LOXL4: variants seen among roughly 807,000 people sequenced by gnomAD.
LOXL4 encodes lysyl oxidase like 4.
LOXL4 carries 72 observed loss-of-function variants against 89.1 expected under a neutral mutation model. That is an observed-to-expected ratio of 0.81 (90% CI 0.67 to 0.98). LOXL4 has a LOEUF of 0.98. LOXL4 is among the 50% of genes least tolerant of loss of function. The pLI is 0.00. For synonymous variants in LOXL4, 355 were observed against 392.1 expected, an observed-to-expected ratio of 0.91 and a Z score of 1.12; for missense variants, 984 against 1,017.5, an observed-to-expected ratio of 0.97 and a Z score of 0.45.
At chr10:98,249,208 T>C (rs1178791704) in intron 14 of LOXL4, among the ~76,000 whole-genome samples, 1 of 152,214 alleles carries the variant, frequency 6.6e-6, no homozygotes, top group African/African-American at 2.4e-5. Context: ...TTGTGCTAGT[T>C]ATTCTCCTTT....
In LOXL4 at chr10:98,258,306, T is replaced by G. The variant is rs1858441497; in HGVS notation, c.922-142A>C. Reference sequence around the variant, plus strand: ...AAGGATGGGGAGTTCCAGTCCTGCTTCTGACTTCCCATAGCTGTCACCCTG... The same window carrying G: ...AAGGATGGGGAGTTCCAGTCCTGCTGCTGACTTCCCATAGCTGTCACCCTG... On this transcript the variant is annotated intron_variant, in intron 6 of 14. Transcript: ENST00000260702. 4 of 787,130 alleles carry G rather than the reference T, an allele frequency of 5.1e-6. No homozygotes were observed. In the South Asian group the frequency reaches 5.7e-5, roughly 11 times the overall value. The allele number at this position is 787,130 out of a possible 1,614,324, so 48.8% of individuals were successfully genotyped here.
intron 9 of LOXL4, chr10:98,256,032 C>A: frequency 3.2e-6 from 1 of 315,028 alleles, no homozygotes; most frequent in Non-Finnish European, 5.9e-6. Context: ...CTGTTCCCCG[C>A]CCCTCTCCCT....
At position 98,257,808 on chromosome 10, in the gene LOXL4, G is replaced by T. The variant is rs1460286278; in HGVS notation, c.1106-4C>A. Reference sequence around the variant, plus strand: ...CTCAGGTGGATGGGCCCTAGCCCTAGATGGGGAGAGAGGTGCTGTGTGCGA... The same window carrying T: ...CTCAGGTGGATGGGCCCTAGCCCTATATGGGGAGAGAGGTGCTGTGTGCGA... On this transcript the variant is annotated splice_polypyrimidine_tract_variant and splice_region_variant and intron_variant, in intron 7 of 14. Coordinates refer to ENST00000260702, the MANE Select transcript of LOXL4 (RefSeq NM_032211.7). 1 of 1,610,338 alleles carries T rather than the reference G, an allele frequency of 6.2e-7. No individual in the cohort carries two copies. Among genetic ancestry groups the T allele is most frequent in the Non-Finnish European group, 8.5e-7 (1 of 1,177,774 alleles).
At chr10:98,263,824 C>A (rs1858611183) in intron 1 of LOXL4, among the ~76,000 whole-genome samples, 2 of 151,712 alleles carry the variant, frequency 1.3e-5, no homozygotes, top group South Asian at 4.2e-4. Context: ...CTCCGCCTCC[C>A]AGGTTTAAGC....
intron 12 of LOXL4, 125 bp from the exon 13 acceptor site, chr10:98,251,827 C>T: frequency 8.4e-7 from 1 of 1,197,198 alleles, no homozygotes; most frequent in Non-Finnish European, 1.2e-6. Context: ...GAGCTAGAAT[C>T]CTGCTGTGAA....
chr10:98,259,858 T>C (rs907464379), intron 4 of LOXL4, among the ~76,000 whole-genome samples: 7 of 152,110 alleles, frequency 4.6e-5, no homozygotes, highest in African/African-American at 1.7e-4. Flanking sequence ...GACCCAGGTG[T>C]GCAATTACCA....
chr10:98,261,261 G>T, intron 3 of LOXL4, 134 bp from the exon 4 acceptor site: 1 of 889,572 alleles, frequency 1.1e-6, no homozygotes, highest in Non-Finnish European at 1.7e-6. Context: ...CATTGAACAG[G>T]CCAGGAAACT....
chr10:98,258,719 G>A (rs1157788614), intron 6 of LOXL4, among the ~76,000 whole-genome samples: 3 of 151,842 alleles, frequency 2.0e-5, no homozygotes, highest in Non-Finnish European at 4.4e-5. Context: ...AGGCTCAGGA[G>A]CAGGCTCAGG....
chr10:98,255,967 T>C, intron 9 of LOXL4: 1 of 484,486 alleles, frequency 2.1e-6, no homozygotes, highest in Non-Finnish European at 3.7e-6. Flanking sequence ...CCACCCACCG[T>C]GGCTTCCACT....
chr10:98,266,801 A>G (rs892165991), intron 1 of LOXL4, among the ~76,000 whole-genome samples: 2 of 152,048 alleles, frequency 1.3e-5, no homozygotes, highest in African/African-American at 2.4e-5. Context: ...GCCAGCTCAA[A>G]TGCCACCCCC....
intron 14 of LOXL4, among the ~76,000 whole-genome samples, chr10:98,249,376 A>C (rs1371972145): frequency 1.3e-5 from 2 of 152,182 alleles, no homozygotes; most frequent in Non-Finnish European, 2.9e-5. Flanking sequence ...GGGTGGAAGG[A>C]GAGAGGCCGG....
rs764787234 is a variant in LOXL4 at position 98,253,526 on chromosome 10, A to G, written c.1835+27T>C. 1.5e-5 allele frequency: 25 copies of G among 1,613,946 alleles called. No individual in the cohort carries two copies. In the East Asian group the frequency reaches 5.6e-4, roughly 36 times the overall value. On this transcript the variant is annotated intron_variant, in intron 11 of 14. Coordinates refer to ENST00000260702, the MANE Select transcript of LOXL4 (RefSeq NM_032211.7). ...CCCTGCTTTTTGTTCCTAACCCTCT[A>G]GTGCCAATGCATGGGCAGGCTCTAA...
chr10:98,251,150 C>T lies in LOXL4; in HGVS notation c.2115G>A (p.Val705=). 1 of 1,614,036 alleles carries T rather than the reference C, an allele frequency of 6.2e-7. No homozygotes were observed. Among genetic ancestry groups the T allele is most frequent in the Non-Finnish European group, 8.5e-7 (1 of 1,179,958 alleles). ...TATTGTTGGAGAAATCTGACTCTGC[C>T]ACTTCATAGTGGGGGTTCACAATCA... The part of the protein sequence containing the change: ...FQVIVNPHYE[V]AESDFSNNML... The change falls in exon 14 of 15, where the codon GTG becomes GTA. Residue 705 remains valine, a synonymous_variant. Transcript: ENST00000260702.
intron 3 of LOXL4, among the ~76,000 whole-genome samples, chr10:98,261,671 C>T (rs939009077): frequency 3.9e-5 from 6 of 152,254 alleles, no homozygotes; most frequent in Admixed American, 2.0e-4. Context: ...CCTGCCCTGC[C>T]CGCTCCTGTT....
intron 14 of LOXL4, among the ~76,000 whole-genome samples, chr10:98,249,970 G>A (rs1858141872): frequency 6.6e-6 from 1 of 152,124 alleles, no homozygotes; most frequent in African/African-American, 2.4e-5. Context: ...ACTGAAATTT[G>A]TCAATAGTTC....
At position 98,259,096 on chromosome 10, in the gene LOXL4, A is replaced by G. The variant is rs1324213739; in HGVS notation, c.834T>C (p.Gly278=). 10 of 1,600,958 alleles carry G rather than the reference A, an allele frequency of 6.2e-6. No homozygotes were observed. Among genetic ancestry groups the G allele is most frequent in the Non-Finnish European group, 7.7e-6 (9 of 1,173,922 alleles). The change falls in exon 6 of 15, where the codon GGT becomes GGC. Residue 278 remains glycine, a synonymous_variant. Transcript: ENST00000260702. ...ARGKLRPACP[G]GMHAVVSCVA... is the part of the protein sequence containing the mutation. ...CACAGCTGACCACAGCGTGCATGCC[A>G]CCTGGGCAGGCTGGCCGCAGCTTGC...
chr10:98,253,880 C>CT, intron 10 of LOXL4, 84 bp from the exon 11 acceptor site: 1 of 1,567,476 alleles, frequency 6.4e-7, no homozygotes, highest in Non-Finnish European at 8.7e-7. Context: ...CAAGCTTGCC[C>CT]CCAGATTAAA....
In LOXL4 at chr10:98,259,218, G is replaced by A. The variant is rs1185839828; in HGVS notation, c.712C>T (p.Leu238=). Residue 238 remains leucine (L), a synonymous_variant, in exon 6 of 15, where the codon CTG becomes TTG. Transcript: ENST00000260702. ...ATCCAGAAGGAGTTCTTATTCGTCA[G>A]GCTCTTCAGCCTAGAGGACAAGGGA... The part of the protein sequence containing the change: ...MRDPKSRLKS[L]TNKNSFWIHQ... 6.2e-7 allele frequency: 1 copy of A among 1,610,954 alleles called. No homozygotes were observed. Among genetic ancestry groups the A allele is most frequent in the Non-Finnish European group, 8.5e-7 (1 of 1,179,052 alleles).
chr10:98,261,765 C>A (rs1858548643), intron 3 of LOXL4, among the ~76,000 whole-genome samples: 1 of 152,244 alleles, frequency 6.6e-6, no homozygotes, highest in Non-Finnish European at 1.5e-5. Flanking sequence ...GATGAGGGAG[C>A]CCCTTACCCA....
Sources: gnomAD v4.1 joint callset for allele counts (sites outside exome capture counted in the v4.1 genomes callset) on GRCh38, gnomAD v4.1.1 for gene constraint, MANE v1.5 for transcripts, NCBI Gene and HGNC (gene_info 2026-07-23, HGNC 2026-07-21) for gene names.